Variants in HELZ observed in about 807,000 individuals in gnomAD.
The protein encoded by HELZ is helicase with zinc finger.
HELZ carries 23 observed loss-of-function variants against 218.2 expected under a neutral mutation model. The ratio of observed to expected loss-of-function variants is 0.11; its 90% CI spans 0.08 to 0.15. The LOEUF is 0.15. Among genes scored for constraint, HELZ ranks in the 10% least tolerant of loss-of-function variants. The pLI, the probability that HELZ is intolerant of heterozygous loss-of-function variation, is 1.00. For synonymous variants in HELZ, 814 were observed against 829.4 expected (o/e 0.98, Z 0.32); for missense variants, 1,813 against 2,353.7 (o/e 0.77, Z 4.75).
At position 67,108,706 on chromosome 17, in the gene HELZ, C is replaced by T. The variant is rs1007257356; in HGVS notation, c.4510G>A (p.Ala1504Thr). ...TGCTGCTGCCTTAATGTTTCCAGAGCGACACTCCCATGTATACGATCTGCA... is the reference window on the plus strand; with the variant it reads ...TGCTGCTGCCTTAATGTTTCCAGAGTGACACTCCCATGTATACGATCTGCA... ...EALDRIHGSV[A>T]LETLRQQQAR... Residue 1504 changes from alanine to threonine, a missense_variant, in exon 30 of 33, where the codon GCT becomes ACT. Transcript: ENST00000358691. This position sits in a 1 kb window ranked among gnomAD's most constrained non-coding sequence, Gnocchi z 4.1. The T allele has an allele frequency of 1.2e-6, 2 of 1,610,442 alleles. No individual in the cohort carries two copies. Among genetic ancestry groups the T allele is most frequent in the African/African-American group, 1.3e-5 (1 of 74,932 alleles).
chr17:67,138,112 C>G lies in HELZ; in HGVS notation c.2772G>C (p.Val924=), dbSNP rs1286171241. ...CTTCTACACGTTCCACCACTTCAAA[C>G]ACCTTTAAAAACAAACACACACATA... The part of the protein sequence containing the change: ...NSTAFYNNAE[V]FEVVERVEEL... The change falls in exon 22 of 33, where the codon GTG becomes GTC. Residue 924 remains valine (V), a splice_region_variant and synonymous_variant. Transcript: ENST00000358691. 17 of 1,607,872 alleles carry G rather than the reference C, an allele frequency of 1.1e-5. No individual in the cohort carries two copies. Among genetic ancestry groups the G allele is most frequent in the Non-Finnish European group, 1.4e-5 (17 of 1,176,422 alleles).
rs570167347 is a variant in HELZ at position 67,071,078 on chromosome 17, A to G, written c.*7174T>C. The G allele has an allele frequency of 6.6e-5, 10 of 152,442 alleles. No individual in the cohort carries two copies. In the South Asian group the frequency reaches 1.0e-3, roughly 16 times the overall value. The allele number at this position is 152,442 out of a possible 1,614,324, so 9.4% of individuals were successfully genotyped here. On this transcript the variant is annotated 3_prime_UTR_variant, in exon 33 of 33. Transcript: ENST00000358691. ...TTAGAAGAGAAGTATTTTAATCACC[A>G]TATTTACCTAGGATACAACTACTAC...
intron 13 of HELZ, among the ~76,000 whole-genome samples, chr17:67,173,711 G>A (rs2144193628): frequency 6.6e-6 from 1 of 152,266 alleles, no homozygotes; most frequent in African/African-American, 2.4e-5. Context: ...ATGATGAAAT[G>A]TGCACCCCAC....
At chr17:67,116,027 C>G (rs544910279) in intron 27 of HELZ, among the ~76,000 whole-genome samples, 41 of 151,928 alleles carry the variant, frequency 2.7e-4, no homozygotes, top group Non-Finnish European at 5.2e-4. Context: ...CAATAGCATA[C>G]AGGCTAGGAG....
intron 12 of HELZ, among the ~76,000 whole-genome samples, chr17:67,187,957 GTAGGTATA>G (rs1427572454): frequency 1.3e-5 from 2 of 152,110 alleles, no homozygotes; most frequent in Non-Finnish European, 2.9e-5. Flanking sequence ...AATAAACATT[GTAGGTATA>G]TACACAATTA....
intron 15 of HELZ, 54 bp from the exon 16 acceptor site, chr17:67,161,130 C>G (rs571271157): frequency 2.3e-6 from 3 of 1,327,874 alleles, no homozygotes; most frequent in Non-Finnish European, 3.1e-6. Context: ...ATAAATAGAA[C>G]ATAACACACG....
At chr17:67,160,211 A>G in intron 17 of HELZ, 50 bp downstream of exon 17, 1 of 1,103,510 alleles carries the variant, frequency 9.1e-7, no homozygotes, top group Non-Finnish European at 1.4e-6. Context: ...ACCTTTTCTT[A>G]AGAATAATAA....
upstream of HELZ, chr17:67,245,452 C>G: frequency 1.0e-6 from 1 of 985,046 alleles, no homozygotes; most frequent in Non-Finnish European, 1.2e-6. Context: ...TGCCCCCACG[C>G]CCGGTCCTCT....
At chr17:67,084,710 G>A (rs1387989808) in intron 32 of HELZ, among the ~76,000 whole-genome samples, 6 of 151,482 alleles carry the variant, frequency 4.0e-5, no homozygotes, top group Admixed American at 6.6e-5. Context: ...TGATGTTATC[G>A]TAAAAAAATT....
chr17:67,179,919 T>TAATG (rs1268527106), intron 12 of HELZ, among the ~76,000 whole-genome samples: 1 of 152,198 alleles, frequency 6.6e-6, no homozygotes, highest in African/African-American at 2.4e-5. Flanking sequence ...AATGACAACA[T>TAATG]AATGCACAAT....
chr17:67,201,494 A>T (rs1567886830), intron 6 of HELZ, among the ~76,000 whole-genome samples: 2 of 152,340 alleles, frequency 1.3e-5, no homozygotes, highest in South Asian at 2.1e-4. Context: ...AAGACAGCAT[A>T]AATGAAAAGG....
chr17:67,087,543 T>C (rs1363229013), intron 31 of HELZ, among the ~76,000 whole-genome samples: 2 of 152,218 alleles, frequency 1.3e-5, no homozygotes, highest in African/African-American at 2.4e-5. Context: ...TCTACACTTA[T>C]CTCTTGGGCC....
At chr17:67,245,566 A>C, upstream of HELZ, 2 of 971,902 alleles carry the variant, frequency 2.1e-6, no homozygotes, top group Non-Finnish European at 2.4e-6. Flanking sequence ...TCGCGGATTT[A>C]TTTGTGCGCG....
intron 6 of HELZ, 43 bp downstream of exon 6, chr17:67,203,276 A>C: frequency 6.3e-7 from 1 of 1,596,492 alleles, no homozygotes; most frequent in Non-Finnish European, 8.6e-7. Context: ...AATCAAATAA[A>C]AATTTGTTTT....
intron 3 of HELZ, chr17:67,224,427 G>A (rs2040836106): frequency 8.8e-6 from 2 of 227,150 alleles, no homozygotes; most frequent in South Asian, 6.1e-5. Context: ...TTCGAAGTTA[G>A]GTAAGCCAAG....
intron 32 of HELZ, among the ~76,000 whole-genome samples, chr17:67,086,194 T>C (rs1300096460): frequency 6.6e-6 from 1 of 152,210 alleles, no homozygotes; most frequent in Non-Finnish European, 1.5e-5. Flanking sequence ...GGTGATTCTA[T>C]CTATTCAGAA....
chr17:67,120,746 AAAT>A (rs1319676114), intron 26 of HELZ, 134 bp from the exon 27 acceptor site: 3 of 644,118 alleles, frequency 4.7e-6, no homozygotes, highest in African/African-American at 3.6e-5. Flanking sequence ...AATTTTCTCA[AAAT>A]AAATAACTAC....
chr17:67,082,219 A>G (rs1308314137), intron 32 of HELZ, among the ~76,000 whole-genome samples: 4 of 152,244 alleles, frequency 2.6e-5, no homozygotes, highest in Non-Finnish European at 5.9e-5. Context: ...GCTTAAGACA[A>G]TCATCAAATA....
At chr17:67,210,645 C>T (rs990041411) in intron 5 of HELZ, among the ~76,000 whole-genome samples, 4 of 152,064 alleles carry the variant, frequency 2.6e-5, no homozygotes, top group African/African-American at 7.2e-5. Flanking sequence ...AAAAAATGGC[C>T]GGGCACAGTG....
Sources: allele counts gnomAD v4.1 joint callset (sites outside exome capture counted in the v4.1 genomes callset), GRCh38; gene constraint gnomAD v4.1.1; non-coding constraint Gnocchi (gnomAD v3.1); transcripts MANE v1.5; gene names NCBI Gene and HGNC (gene_info 2026-07-23, HGNC 2026-07-21).